The following TFDP1 variants were observed in gnomAD, a reference collection of about 807,000 sequenced individuals.
TFDP1 encodes the protein DRTF1-polypeptide 1.
A neutral mutation model predicts 48.0 loss-of-function variants in TFDP1; 6 were observed. The ratio of observed to expected loss-of-function variants is 0.13; its 90% CI spans 0.07 to 0.25. The LOEUF is 0.25. Ranked by LOEUF, TFDP1 falls within the 10% of genes least tolerant of loss-of-function variation. The pLI, the probability that TFDP1 is intolerant of heterozygous loss-of-function variation, is 1.00. For missense variants in TFDP1, 335 were observed against 543.0 expected (o/e 0.62, Z 3.81); for synonymous variants, 201 against 211.6 (o/e 0.95, Z 0.44).
chr13:113,597,938 C>T (rs539916772), intron 2 of TFDP1, among the ~76,000 whole-genome samples: 3 of 152,252 alleles, frequency 2.0e-5, no homozygotes, highest in South Asian at 2.1e-4. Flanking sequence ...TGGCCAGAAA[C>T]GGGAGAGGTG....
At position 113,623,902 on chromosome 13, in the gene TFDP1, C is replaced by T. The variant is rs942100265; in HGVS notation, c.186+616C>T. On this transcript the variant is annotated intron_variant, in intron 4 of 11. Coordinates refer to ENST00000375370, the MANE Select transcript of TFDP1 (RefSeq NM_007111.5). This position sits in a 1 kb window ranked among gnomAD's most constrained non-coding sequence, Gnocchi z 5.2. ...CCGCCCTCTGCGTCCTTGCCGGTGG[C>T]AGCCTACTGGAGACAGGGAGCCCAC... 6.6e-6 allele frequency among the ~76,000 whole-genome samples: 1 copy of T among 152,160 alleles called. No individual in the cohort carries two copies. Among genetic ancestry groups the T allele is most frequent in the African/African-American group, 2.4e-5 (1 of 41,426 alleles).
At position 113,627,159 on chromosome 13, in the gene TFDP1, G is replaced by A. The variant is rs2049201179; in HGVS notation, c.186+3873G>A. 6.6e-6 allele frequency among the ~76,000 whole-genome samples: 1 copy of A among 152,182 alleles called. No homozygotes were observed. Among genetic ancestry groups the A allele is most frequent in the South Asian group, 2.1e-4 (1 of 4,834 alleles). Reference sequence around the variant, plus strand: ...ACTGGCTCATTCTGACACGAGGGGTGGGGCTCAGTCCGGGCATGTGAGTGA... The same window carrying A: ...ACTGGCTCATTCTGACACGAGGGGTAGGGCTCAGTCCGGGCATGTGAGTGA... On this transcript the variant is annotated intron_variant, in intron 4 of 11. Coordinates refer to ENST00000375370, the MANE Select transcript of TFDP1 (RefSeq NM_007111.5). The surrounding 1 kb of genome is among the most constrained non-coding windows in gnomAD (Gnocchi z 4.1).
chr13:113,606,166 C>T (rs553091724), intron 2 of TFDP1, among the ~76,000 whole-genome samples: 13 of 148,372 alleles, frequency 8.8e-5, no homozygotes, highest in East Asian at 6.1e-4. Flanking sequence ...GATGAGTGTC[C>T]GCAGGGGATC....
At chr13:113,626,768 T>C (rs1393551923) in intron 4 of TFDP1, among the ~76,000 whole-genome samples, 1 of 152,160 alleles carries the variant, frequency 6.6e-6, no homozygotes, top group African/African-American at 2.4e-5. Flanking sequence ...AAGCTAAAAA[T>C]TCAGTTTTTG....
rs750987163 is a variant in TFDP1 at position 113,634,080 on chromosome 13, G to T, written c.618+47G>T. ...AACCTTGATTTCCCTTCAAGTCCGT[G>T]TAGATGTTTTAGTCGTCGGTCACTC... is the stretch of plus-strand genomic sequence containing the variant. On this transcript the variant is annotated intron_variant, in intron 7 of 11. Coordinates refer to ENST00000375370, the MANE Select transcript of TFDP1 (RefSeq NM_007111.5). The T allele has an allele frequency of 3.1e-6, 5 of 1,613,574 alleles. No homozygotes were observed. In the Admixed American group the frequency reaches 8.3e-5, roughly 27 times the overall value.
At chr13:113,597,569 ACGTGGG>A (rs2048316804) in intron 2 of TFDP1, among the ~76,000 whole-genome samples, 1 of 152,210 alleles carries the variant, frequency 6.6e-6, no homozygotes, top group Non-Finnish European at 1.5e-5. Context: ...CGCCTGTCCC[ACGTGGG>A]CGGCCAGCTG....
intron 2 of TFDP1, among the ~76,000 whole-genome samples, chr13:113,601,797 G>C (rs1005122954): frequency 2.0e-5 from 3 of 152,346 alleles, no homozygotes; most frequent in African/African-American, 4.8e-5. Context: ...AGGAGTTGAT[G>C]GGGGAGCAGA....
intron 2 of TFDP1, among the ~76,000 whole-genome samples, chr13:113,602,445 AGGCGGGGCCCAT>A (rs2053862836): frequency 6.6e-6 from 1 of 151,782 alleles, no homozygotes; most frequent in Non-Finnish European, 1.5e-5. Context: ...TCCTGGTAGC[AGGCGGGGCCCAT>A]CCCAGCTGCT....
At chr13:113,608,720 G>A (rs2048631992) in intron 2 of TFDP1, among the ~76,000 whole-genome samples, 2 of 152,328 alleles carry the variant, frequency 1.3e-5, no homozygotes, top group East Asian at 3.9e-4. Flanking sequence ...CTTACCCAGT[G>A]TGCTTGCTTT....
intron 3 of TFDP1, among the ~76,000 whole-genome samples, chr13:113,621,748 C>T (rs1168460277): frequency 6.6e-6 from 1 of 152,184 alleles, no homozygotes; most frequent in Non-Finnish European, 1.5e-5. Context: ...GCGGTAGCCT[C>T]AGTGTCACGG....
At chr13:113,595,820 C>T (rs1023717996) in intron 2 of TFDP1, among the ~76,000 whole-genome samples, 19 of 152,368 alleles carry the variant, frequency 1.2e-4, no homozygotes, top group Non-Finnish European at 1.8e-4. Flanking sequence ...CGGTGGCTCA[C>T]GCCTGTAATC....
chr13:113,585,571 T>C (rs1044524796), intron 1 of TFDP1: 1 of 365,852 alleles, frequency 2.7e-6, no homozygotes, highest in African/African-American at 2.1e-5. Context: ...GCGGGCCACT[T>C]TTCCGCAGGG....
At chr13:113,630,181 A>ACACT (rs1037488320) in intron 4 of TFDP1, among the ~76,000 whole-genome samples, 1 of 151,392 alleles carries the variant, frequency 6.6e-6, no homozygotes, top group African/African-American at 2.4e-5. Flanking sequence ...ACACACACAC[A>ACACT]CGCGTATTGA....
chr13:113,599,814 G>A (rs977981598), intron 2 of TFDP1, among the ~76,000 whole-genome samples: 6 of 151,456 alleles, frequency 4.0e-5, no homozygotes, highest in African/African-American at 9.7e-5. Flanking sequence ...ACCCAGGACC[G>A]TGAGAGAGAA....
chr13:113,591,019 A>AAAAG (rs2048129078), intron 2 of TFDP1, among the ~76,000 whole-genome samples: 1 of 148,368 alleles, frequency 6.7e-6, no homozygotes, highest in African/African-American at 2.5e-5. Context: ...CAAAAAAAAA[A>AAAAG]AAAAAAAAAA....
chr13:113,631,176 T>C (rs182794813), intron 4 of TFDP1, among the ~76,000 whole-genome samples: 80 of 152,334 alleles, frequency 5.3e-4, no homozygotes, highest in African/African-American at 1.8e-3. Context: ...CACAGAAGGA[T>C]ACAATTTCAT....
intron 4 of TFDP1, among the ~76,000 whole-genome samples, chr13:113,625,987 G>A (rs1000363469): frequency 1.4e-5 from 2 of 138,038 alleles, no homozygotes; most frequent in African/African-American, 5.9e-5. Flanking sequence ...GTCCTCAGGT[G>A]TCTCTCACGT....
intron 4 of TFDP1, among the ~76,000 whole-genome samples, chr13:113,626,934 A>G (rs1440457336): frequency 1.3e-5 from 2 of 152,136 alleles, no homozygotes; most frequent in Non-Finnish European, 2.9e-5. Flanking sequence ...ACTGGGGGGA[A>G]ACGAATGAGA....
intron 3 of TFDP1, among the ~76,000 whole-genome samples, chr13:113,613,581 T>C (rs1166156253): frequency 2.3e-5 from 2 of 88,434 alleles, no homozygotes; most frequent in Admixed American, 1.1e-4. Context: ...AGTGTGTGTG[T>C]GCATGAGTGT....
Sources: allele counts gnomAD v4.1 joint callset (sites outside exome capture counted in the v4.1 genomes callset), GRCh38; gene constraint gnomAD v4.1.1; non-coding constraint Gnocchi (gnomAD v3.1); transcripts MANE v1.5; gene names NCBI Gene and HGNC (gene_info 2026-07-23, HGNC 2026-07-21).